AP1S3: variants seen among roughly 807,000 people sequenced by gnomAD.
The protein encoded by AP1S3 is AP-1 complex subunit sigma-3.
AP1S3 carries 10 observed loss-of-function variants against 20.9 expected under a neutral mutation model. The ratio of observed to expected loss-of-function variants is 0.48; its 90% CI spans 0.29 to 0.81. The LOEUF (loss-of-function observed/expected upper bound fraction) is 0.81, where lower values mean the gene tolerates loss of function less well. Among genes scored for constraint, AP1S3 ranks in the 30% least tolerant of loss-of-function variants. The pLI, the probability that AP1S3 is intolerant of heterozygous loss-of-function variation, is 0.08. For missense variants in AP1S3, 154 were observed against 183.8 expected, an observed-to-expected ratio of 0.84 and a Z score of 0.94; for synonymous variants, 41 against 61.5, an observed-to-expected ratio of 0.67 and a Z score of 1.56.
intron 1 of AP1S3, among the ~76,000 whole-genome samples, chr2:223,820,328 G>A (rs1691957611): frequency 1.3e-5 from 2 of 152,052 alleles, no homozygotes; most frequent in Admixed American, 6.6e-5. Flanking sequence ...GGCTTGGAAT[G>A]TAATATGCAT....
At chr2:223,807,634 T>C (rs1330339182) in intron 1 of AP1S3, among the ~76,000 whole-genome samples, 6 of 152,114 alleles carry the variant, frequency 3.9e-5, no homozygotes, top group Admixed American at 2.6e-4. Context: ...CTTGCGATAG[T>C]AAGTGAGGAA....
chr2:223,783,461 C>T (rs1447349645), intron 1 of AP1S3, among the ~76,000 whole-genome samples: 1 of 152,246 alleles, frequency 6.6e-6, no homozygotes, highest in African/African-American at 2.4e-5. Context: ...TAATTGGGCA[C>T]AGTCCCAAAT....
At chr2:223,766,498 C>T (rs911708002) in intron 3 of AP1S3, among the ~76,000 whole-genome samples, 3 of 152,176 alleles carry the variant, frequency 2.0e-5, no homozygotes, top group African/African-American at 7.2e-5. Flanking sequence ...TCAAAAACTA[C>T]AATGAGATAC....
At chr2:223,815,738 T>C (rs1691827952) in intron 1 of AP1S3, among the ~76,000 whole-genome samples, 1 of 152,184 alleles carries the variant, frequency 6.6e-6, no homozygotes, top group Admixed American at 6.5e-5. Context: ...ACTTCAGCAA[T>C]AGATTCTTGA....
At chr2:223,778,318 G>T (rs890399246) in intron 1 of AP1S3, among the ~76,000 whole-genome samples, 2 of 152,000 alleles carry the variant, frequency 1.3e-5, no homozygotes, top group Middle Eastern at 3.4e-3. Context: ...TAGAGACGGG[G>T]ATTCACCATG....
chr2:223,763,131 G>A (rs76401018), intron 4 of AP1S3, among the ~76,000 whole-genome samples: 3 of 152,230 alleles, frequency 2.0e-5, no homozygotes, highest in South Asian at 4.1e-4. Flanking sequence ...TGTTGTTAGC[G>A]CAACAGAAGA....
intron 4 of AP1S3, among the ~76,000 whole-genome samples, chr2:223,762,338 TCTCGG>T (rs1281344854): frequency 4.6e-5 from 6 of 129,112 alleles, no homozygotes; most frequent in Admixed American, 3.2e-4. Flanking sequence ...AGTGGTGGAA[TCTCGG>T]CTCACTGCAA....
intron 1 of AP1S3, 103 bp downstream of exon 1, chr2:223,837,345 G>T: frequency 1.8e-6 from 1 of 561,352 alleles, no homozygotes; most frequent in Non-Finnish European, 2.6e-6. Flanking sequence ...GACTCGGCCC[G>T]CACCCCCACC....
chr2:223,759,040 T>G (rs1253227145), intron 4 of AP1S3, among the ~76,000 whole-genome samples: 1 of 152,172 alleles, frequency 6.6e-6, no homozygotes, highest in Non-Finnish European at 1.5e-5. Context: ...ACGCCTGTAA[T>G]ACCAGCACTT....
chr2:223,758,391 C>G lies in AP1S3; in HGVS notation c.*324G>C. ...GTGTCAAATGCAAAAAAAATTGCAG[C>G]TAATGTATCTAAACCAGCTTAAAAA... On this transcript the variant is annotated 3_prime_UTR_variant, in exon 5 of 5. Coordinates refer to ENST00000396654, the MANE Select transcript of AP1S3 (RefSeq NM_001039569.2). The G allele has an allele frequency of 2.8e-6, 3 of 1,055,360 alleles. No individual in the cohort carries two copies. Among genetic ancestry groups the G allele is most frequent in the Non-Finnish European group, 3.4e-6 (3 of 876,108 alleles). The allele number at this position is 1,055,360 out of a possible 1,614,324, so 65.4% of individuals were successfully genotyped here. A position where few individuals can be genotyped will look rare whatever the true frequency, so the allele number is the denominator to read the frequency against.
chr2:223,780,357 A>AGAGTGTGT (rs1559280905), intron 1 of AP1S3, among the ~76,000 whole-genome samples: 1 of 44,448 alleles, frequency 2.2e-5, no homozygotes, highest in Non-Finnish European at 3.5e-5. Flanking sequence ...AGAGAGAGAG[A>AGAGTGTGT]GTGTGTGTGT....
At position 223,820,556 on chromosome 2, in the gene AP1S3, A is replaced by C. The variant is rs185634192; in HGVS notation, c.3+16892T>G. 2.0e-3 allele frequency among the ~76,000 whole-genome samples: 305 copies of C among 152,030 alleles called. 1 individual carries two copies. Among genetic ancestry groups the C allele is most frequent in the South Asian group, 0.013 (64 of 4,802 alleles). On this transcript the variant is annotated intron_variant, in intron 1 of 4. Transcript: ENST00000396654. ...CATACTATCCCTATCATCCAAAAAA[A>C]AAATCACAGAAAGGAGAATTTAAGT... is the stretch of plus-strand genomic sequence containing the variant.
At chr2:223,770,497 T>TACACACACACACAC (rs58486635) in intron 3 of AP1S3, among the ~76,000 whole-genome samples, 1,668 of 141,698 alleles carry the variant, frequency 0.012, 11 homozygotes, top group South Asian at 0.03. Context: ...AGAGAGACAA[T>TACACACACACACAC]ACACACACAC....
At chr2:223,796,795 C>T (rs2106107560) in intron 1 of AP1S3, among the ~76,000 whole-genome samples, 1 of 152,282 alleles carries the variant, frequency 6.6e-6, no homozygotes, top group Non-Finnish European at 1.5e-5. Flanking sequence ...TCCCAAGCAG[C>T]TGGGATTACA....
At chr2:223,803,202 A>G in intron 1 of AP1S3, among the ~76,000 whole-genome samples, 1 of 152,166 alleles carries the variant, frequency 6.6e-6, no homozygotes, top group Non-Finnish European at 1.5e-5. Flanking sequence ...CAGCTCCAAG[A>G]TCTTCCATAT....
chr2:223,763,197 T>C (rs896558292), intron 4 of AP1S3, among the ~76,000 whole-genome samples: 1 of 152,190 alleles, frequency 6.6e-6, no homozygotes. Flanking sequence ...CAGGGCTAAA[T>C]GCAAGGTCCC....
chr2:223,825,457 C>T (rs1692107246), intron 1 of AP1S3, among the ~76,000 whole-genome samples: 1 of 152,162 alleles, frequency 6.6e-6, no homozygotes, highest in Non-Finnish European at 1.5e-5. Context: ...GTCACTCATA[C>T]ACACACTGTT....
intron 1 of AP1S3, among the ~76,000 whole-genome samples, chr2:223,830,820 A>G (rs1418109965): frequency 6.6e-6 from 1 of 152,216 alleles, no homozygotes; most frequent in African/African-American, 2.4e-5. Context: ...GAAAGACTAA[A>G]GTTTCAGAAG....
At chr2:223,792,945 T>C (rs1021709845) in intron 1 of AP1S3, among the ~76,000 whole-genome samples, 2 of 151,934 alleles carry the variant, frequency 1.3e-5, no homozygotes, top group Non-Finnish European at 2.9e-5. Flanking sequence ...AAAGAAGACA[T>C]ACATGTAGCC....
Sources: gnomAD v4.1 joint callset for allele counts (sites outside exome capture counted in the v4.1 genomes callset) on GRCh38, gnomAD v4.1.1 for gene constraint, MANE v1.5 for transcripts, NCBI Gene and HGNC (gene_info 2026-07-23, HGNC 2026-07-21) for gene names.